Variants in CELF2 observed in about 807,000 individuals in gnomAD.
CELF2 encodes CUGBP Elav-like family member 2.
Under a neutral mutation model 62.6 loss-of-function variants are expected in CELF2, and 8 were observed. The observed-to-expected ratio is 0.13, with a 90% CI of 0.07 to 0.23. CELF2 has a LOEUF of 0.23. Ranked by LOEUF, CELF2 falls within the 10% of genes least tolerant of loss-of-function variation. CELF2 has a pLI of 1.00. For synonymous variants in CELF2, 258 were observed against 250.0 expected (o/e 1.03, Z -0.30); for missense variants, 333 against 671.0 (o/e 0.50, Z 5.56).
chr10:11,326,411 C>T (rs754863871), intron 12 of CELF2, among the ~76,000 whole-genome samples: 1 of 152,248 alleles, frequency 6.6e-6, no homozygotes, highest in African/African-American at 2.4e-5. Context: ...GATCGCAGCT[C>T]CACGTGCCCG....
the CELF2 span, among the ~76,000 whole-genome samples, chr10:10,481,801 A>G: frequency 6.6e-6 from 1 of 152,208 alleles, no homozygotes; most frequent in Non-Finnish European, 1.5e-5. Flanking sequence ...GAGGGAAATC[A>G]TGCAAATGTT....
the CELF2 span, among the ~76,000 whole-genome samples, chr10:10,500,655 T>C: frequency 0.064 from 9,704 of 152,196 alleles, 521 homozygotes; most frequent in African/African-American, 0.14. Flanking sequence ...GGTATGTCTT[T>C]CTCAGCAGCA....
rs1321934028 is a variant in CELF2 at position 11,217,190 on chromosome 10, G to A, written c.272-235G>A. ...CATTCTTGAATAGCTGTATTCCAGA[G>A]AGGTGAGGCACAGAGTCAGGAATTG... On this transcript the variant is annotated intron_variant, in intron 2 of 12. Transcript: ENST00000633077. The surrounding 1 kb of genome is among the most constrained non-coding windows in gnomAD (Gnocchi z 5.6). Among the ~76,000 whole-genome samples the A allele has an allele frequency of 2.6e-5, 4 of 152,190 alleles. No homozygotes were observed. Among genetic ancestry groups the A allele is most frequent in the African/African-American group, 9.7e-5 (4 of 41,444 alleles).
At chr10:10,757,952 C>A in the CELF2 span, among the ~76,000 whole-genome samples, 1 of 152,164 alleles carries the variant, frequency 6.6e-6, no homozygotes. Context: ...GCCCCGGGAC[C>A]TTCTCTCTGT....
the CELF2 span, among the ~76,000 whole-genome samples, chr10:10,583,541 T>G: frequency 3.3e-5 from 5 of 152,210 alleles, no homozygotes; most frequent in Non-Finnish European, 7.3e-5. Context: ...GCCTGTATTT[T>G]GCTCTAGCTG....
chr10:10,607,223 G>C, the CELF2 span, among the ~76,000 whole-genome samples: 2 of 152,008 alleles, frequency 1.3e-5, no homozygotes, highest in African/African-American at 4.8e-5. Flanking sequence ...TAATGTAACT[G>C]CTCTTTGGTG....
the CELF2 span, among the ~76,000 whole-genome samples, chr10:10,793,184 T>A: frequency 1.3e-5 from 2 of 152,182 alleles, no homozygotes; most frequent in African/African-American, 4.8e-5. Context: ...AATTCCTAAG[T>A]CATCGATGAA....
chr10:11,247,594 G>A lies in CELF2; in HGVS notation c.355-1559G>A, dbSNP rs1296696140. Among the ~76,000 whole-genome samples the A allele has an allele frequency of 2.1e-5, 2 of 93,042 alleles. No individual in the cohort carries two copies. The highest frequency in any genetic ancestry group is 3.2e-4 in the East Asian group (1 of 3,170). The allele number at this position is 93,042 out of a possible 152,430, so 61.0% of individuals were successfully genotyped here. A position where few individuals can be genotyped will look rare whatever the true frequency, so the allele number is the denominator to read the frequency against. On this transcript the variant is annotated intron_variant, in intron 3 of 12. Coordinates refer to ENST00000633077, the MANE Select transcript of CELF2 (RefSeq NM_001326342.2). This position sits in a 1 kb window ranked among gnomAD's most constrained non-coding sequence, Gnocchi z 5.4. ...ATCCCACCCCCTCCATCCTATGCCC[G>A]CCATCCCATGCCCGCCATCCCACCC...
intron 1 of CELF2, among the ~76,000 whole-genome samples, chr10:10,884,827 C>A (rs1245214080): frequency 1.3e-5 from 2 of 152,188 alleles, no homozygotes; most frequent in African/African-American, 4.8e-5. Flanking sequence ...GCACCTTGGT[C>A]TTTTTGTGTT....
chr10:10,652,122 G>T, the CELF2 span, among the ~76,000 whole-genome samples: 2 of 113,062 alleles, frequency 1.8e-5, no homozygotes, highest in African/African-American at 6.4e-5. Context: ...AAGGGTATCA[G>T]CGATGGAAGA....
chr10:10,836,724 C>G (rs1341530942), intron 1 of CELF2, among the ~76,000 whole-genome samples: 2 of 152,220 alleles, frequency 1.3e-5, no homozygotes, highest in African/African-American at 2.4e-5. Context: ...CAACCTCTGC[C>G]TCCCAGGTTC....
chr10:10,552,215 G>A, the CELF2 span, among the ~76,000 whole-genome samples: 4 of 152,220 alleles, frequency 2.6e-5, no homozygotes, highest in Non-Finnish European at 5.9e-5. Context: ...ATGGCAGTGA[G>A]TCCTTGGGTT....
the CELF2 span, among the ~76,000 whole-genome samples, chr10:10,491,236 A>G: frequency 6.6e-6 from 1 of 152,192 alleles, no homozygotes; most frequent in African/African-American, 2.4e-5. Flanking sequence ...ATTAAAATCT[A>G]TTCAATATAT....
At chr10:10,753,129 C>T in the CELF2 span, among the ~76,000 whole-genome samples, 4 of 152,008 alleles carry the variant, frequency 2.6e-5, no homozygotes, top group Non-Finnish European at 5.9e-5. Flanking sequence ...GTAAGCATTG[C>T]TTGGTGAAAT....
In CELF2 at chr10:11,212,622, C is replaced by T. The variant is rs999162030; in HGVS notation, c.272-4803C>T. On this transcript the variant is annotated intron_variant, in intron 2 of 12. Coordinates refer to ENST00000633077, the MANE Select transcript of CELF2 (RefSeq NM_001326342.2). ...TATTTGGTTCTGGGCTCACCTCTCC[C>T]GAGTTTTCCATTGGACCTGATGGAC... Among the ~76,000 whole-genome samples, 5 of 152,184 alleles carry T rather than the reference C, an allele frequency of 3.3e-5. No individual in the cohort carries two copies. In the East Asian group the frequency reaches 7.7e-4, roughly 24 times the overall value.
chr10:10,540,707 G>A, the CELF2 span, among the ~76,000 whole-genome samples: 16 of 152,092 alleles, frequency 1.1e-4, no homozygotes, highest in Non-Finnish European at 1.9e-4. Context: ...CAGGGAAAGG[G>A]AGGTCCCATC....
chr10:10,489,599 A>G, the CELF2 span, among the ~76,000 whole-genome samples: 1 of 152,150 alleles, frequency 6.6e-6, no homozygotes, highest in African/African-American at 2.4e-5. Context: ...TCAGTCAAAA[A>G]TAGCAACTGC....
chr10:10,728,363 G>A, the CELF2 span, among the ~76,000 whole-genome samples: 155 of 147,126 alleles, frequency 1.1e-3, 1 homozygote, highest in Non-Finnish European at 1.9e-3. Flanking sequence ...TGAGGCAGGA[G>A]AATTGCCTGA....
chr10:11,058,668 G>A (rs892554751), intron 1 of CELF2, among the ~76,000 whole-genome samples: 4 of 151,886 alleles, frequency 2.6e-5, no homozygotes, highest in Non-Finnish European at 5.9e-5. Context: ...GGGTTTCACC[G>A]TGTTGGCCAG....
Sources: gnomAD v4.1 joint callset for allele counts (sites outside exome capture counted in the v4.1 genomes callset) on GRCh38, gnomAD v4.1.1 for gene constraint, Gnocchi (gnomAD v3.1) non-coding constraint, MANE v1.5 for transcripts, NCBI Gene and HGNC (gene_info 2026-07-23, HGNC 2026-07-21) for gene names.